GRID1: variants seen among roughly 807,000 people sequenced by gnomAD.
GRID1 encodes glutamate receptor ionotropic, delta-1.
A neutral mutation model predicts 98.0 loss-of-function variants in GRID1; 28 were observed. The observed-to-expected ratio is 0.29, with a 90% CI of 0.21 to 0.39. GRID1 has a LOEUF of 0.39. Ranked by LOEUF, GRID1 falls within the 10% of genes least tolerant of loss-of-function variation. GRID1 has a pLI of 1.00. For synonymous variants in GRID1, 553 were observed against 538.5 expected, an observed-to-expected ratio of 1.03 and a Z score of -0.37; for missense variants, 1,111 against 1,340.5, an observed-to-expected ratio of 0.83 and a Z score of 2.67.
At chr10:85,949,931 G>GATGC (rs1842098738) in intron 4 of GRID1, among the ~76,000 whole-genome samples, 2 of 152,068 alleles carry the variant, frequency 1.3e-5, no homozygotes, top group African/African-American at 4.8e-5. Flanking sequence ...TGGATGGATG[G>GATGC]ATGGATGGAT....
intron 4 of GRID1, among the ~76,000 whole-genome samples, chr10:86,047,041 T>C (rs113256910): frequency 0.044 from 6,667 of 152,326 alleles, 172 homozygotes; most frequent in Middle Eastern, 0.068. Flanking sequence ...CTCAGTACCA[T>C]GTTCTCTGAG....
At chr10:85,843,022 C>A (rs73334773) in intron 8 of GRID1, among the ~76,000 whole-genome samples, 2 of 152,048 alleles carry the variant, frequency 1.3e-5, no homozygotes, top group Non-Finnish European at 2.9e-5. Context: ...TCCCCCATAA[C>A]GCCTTAGCAA....
At chr10:85,734,027 C>T (rs534419378) in intron 8 of GRID1, among the ~76,000 whole-genome samples, 1 of 152,244 alleles carries the variant, frequency 6.6e-6, no homozygotes, top group South Asian at 2.1e-4. Context: ...ACTTGTACGA[C>T]TCAAAACTGC....
intron 4 of GRID1, among the ~76,000 whole-genome samples, chr10:85,918,281 G>A (rs1020376325): frequency 6.6e-6 from 1 of 152,182 alleles, no homozygotes; most frequent in Non-Finnish European, 1.5e-5. Flanking sequence ...AGGCAAATGG[G>A]GAAATGAAGT....
At chr10:86,178,343 C>A (rs1464542619) in intron 3 of GRID1, among the ~76,000 whole-genome samples, 1 of 152,160 alleles carries the variant, frequency 6.6e-6, no homozygotes, top group South Asian at 2.1e-4. Context: ...CCTATTTGCA[C>A]ACAAAAGCGG....
At chr10:86,308,059 C>T (rs916977644) in intron 2 of GRID1, among the ~76,000 whole-genome samples, 1 of 152,112 alleles carries the variant, frequency 6.6e-6, no homozygotes. Flanking sequence ...CCCTACATCC[C>T]CTCCCCCAAG....
rs1841721456 is a variant in GRID1, at chr10:85,723,097, C to A, written c.1903G>T (p.Gly635Cys). ...ATGAGCGTGAAGAGCCACCAGCTGC[C>A]CATCACGATGCGCATGGCCATGGAG... ...VNSMAMRIVM[G>C]SWWLFTLIVC... The change falls in exon 12 of 16, where the codon GGC becomes TGC. Residue 635 changes from glycine (G) to cysteine (C), a missense_variant. Physicochemically the swap from Gly to Cys is radical, Grantham distance 159 (BLOSUM62 -3). This residue lies in a region of GRID1 where 762 missense variants were observed against 869.1 expected (regional missense o/e 0.88). Coordinates refer to ENST00000327946, the MANE Select transcript of GRID1 (RefSeq NM_017551.3). 2 of 1,611,334 alleles carry A rather than the reference C, an allele frequency of 1.2e-6. No individual in the cohort carries two copies. Among genetic ancestry groups the A allele is most frequent in the Non-Finnish European group, 1.7e-6 (2 of 1,178,798 alleles).
At chr10:85,933,285 TAAAAAAAAAAAAA>T (rs59704249) in intron 4 of GRID1, among the ~76,000 whole-genome samples, 16 of 120,448 alleles carry the variant, frequency 1.3e-4, no homozygotes, top group African/African-American at 4.9e-4. Context: ...CTCTGTTCTT[TAAAAAAAAAAAAA>T]AAAAAAAAAA....
At chr10:86,313,359 T>G (rs190664171) in intron 2 of GRID1, among the ~76,000 whole-genome samples, 203 of 152,326 alleles carry the variant, frequency 1.3e-3, no homozygotes, top group African/African-American at 4.6e-3. Context: ...ATACAGAGGT[T>G]CCTAGAGGCT....
intron 4 of GRID1, among the ~76,000 whole-genome samples, chr10:85,981,069 T>C (rs1842538695): frequency 1.3e-5 from 2 of 152,122 alleles, no homozygotes; most frequent in Non-Finnish European, 2.9e-5. Context: ...TAGGACAAGG[T>C]TGCATGTGGG....
chr10:86,095,346 T>C (rs551437105), intron 4 of GRID1, among the ~76,000 whole-genome samples: 12 of 152,090 alleles, frequency 7.9e-5, no homozygotes, highest in East Asian at 1.9e-4. Flanking sequence ...AAAACAAAGA[T>C]AAAAAGCTGG....
At chr10:85,849,623 C>T (rs1045241060) in intron 8 of GRID1, among the ~76,000 whole-genome samples, 3 of 152,086 alleles carry the variant, frequency 2.0e-5, no homozygotes, top group African/African-American at 4.8e-5. Flanking sequence ...AGAACTGCAT[C>T]GCCTCAAGTT....
chr10:86,366,233 A>T lies in GRID1; in HGVS notation c.79+81T>A. On this transcript the variant is annotated intron_variant, in intron 1 of 15. Transcript: ENST00000327946. The surrounding 1 kb of genome is among the most constrained non-coding windows in gnomAD (Gnocchi z 4.1). ...CCCGCCGAGCCCCTCGGCCCAGGGA[A>T]ACGCCAAGTTTGGACGCCGCGCACC... 1.0e-6 allele frequency: 1 copy of T among 998,642 alleles called. No individual in the cohort carries two copies. The highest frequency in any genetic ancestry group is 1.4e-6 in the Non-Finnish European group (1 of 712,178). 61.9% of individuals were successfully genotyped at this position (998,642 alleles called of 1,614,324 possible). A position where few individuals can be genotyped will look rare whatever the true frequency, so the allele number is the denominator to read the frequency against.
At chr10:85,991,805 G>A (rs999678289) in intron 4 of GRID1, among the ~76,000 whole-genome samples, 1 of 152,082 alleles carries the variant, frequency 6.6e-6, no homozygotes, top group Admixed American at 6.5e-5. Context: ...TCAGACAAAA[G>A]GAGAGAAAAC....
chr10:86,139,356 C>G (rs1844979097), intron 3 of GRID1, among the ~76,000 whole-genome samples: 1 of 152,176 alleles, frequency 6.6e-6, no homozygotes, highest in Non-Finnish European at 1.5e-5. Flanking sequence ...CTTCAGGTCA[C>G]ATTTGCTGGC....
chr10:85,928,340 C>CA (rs1841803898), intron 4 of GRID1, among the ~76,000 whole-genome samples: 1 of 152,204 alleles, frequency 6.6e-6, no homozygotes, highest in Admixed American at 6.5e-5. Flanking sequence ...TGAGTAATCA[C>CA]AGGAGCGGAC....
At chr10:85,602,887 A>G (rs1842601395) in intron 15 of GRID1, among the ~76,000 whole-genome samples, 186 bp from the exon 16 acceptor site, 1 of 152,068 alleles carries the variant, frequency 6.6e-6, no homozygotes, top group Admixed American at 6.5e-5. Flanking sequence ...TGGAGAAGCC[A>G]GGGGGGAGAC....
intron 8 of GRID1, among the ~76,000 whole-genome samples, chr10:85,746,872 G>C (rs60009084): frequency 0.017 from 2,588 of 152,026 alleles, 76 homozygotes; most frequent in African/African-American, 0.059. Context: ...TAAATGTTGG[G>C]GTCATTTGTT....
intron 4 of GRID1, among the ~76,000 whole-genome samples, chr10:85,966,232 CAGTT>C (rs1271789116): frequency 6.6e-6 from 1 of 152,094 alleles, no homozygotes; most frequent in African/African-American, 2.4e-5. Flanking sequence ...TCTGTAATAA[CAGTT>C]AGGAAAAACA....
Sources: gnomAD v4.1 joint callset for allele counts (sites outside exome capture counted in the v4.1 genomes callset) on GRCh38, gnomAD v4.1.1 for gene constraint, gnomAD v4.1.1 regional missense constraint, Gnocchi (gnomAD v3.1) non-coding constraint, MANE v1.5 for transcripts, NCBI Gene and HGNC (gene_info 2026-07-23, HGNC 2026-07-21) for gene names.